Variants in ARB2A observed in about 807,000 individuals in gnomAD.
ARB2A encodes the protein ARB2 cotranscriptional regulator A, also known as cotranscriptional regulator ARB2A.
At chr5:93,693,413 A>T in the ARB2A span, among the ~76,000 whole-genome samples, 1 of 152,196 alleles carries the variant, frequency 6.6e-6, no homozygotes, top group Non-Finnish European at 1.5e-5. Context: ...CCACCAGAGA[A>T]TACTATAAAC....
At chr5:93,970,595 C>T in the ARB2A span, among the ~76,000 whole-genome samples, 8 of 151,714 alleles carry the variant, frequency 5.3e-5, no homozygotes, top group African/African-American at 1.9e-4. Flanking sequence ...TGATTCTCCC[C>T]ACAACCAAAA....
chr5:93,815,809 C>T, the ARB2A span, among the ~76,000 whole-genome samples: 2 of 152,106 alleles, frequency 1.3e-5, no homozygotes, highest in Non-Finnish European at 2.9e-5. Flanking sequence ...TTACCCATTG[C>T]CTTGATTTTC....
At chr5:93,846,603 C>T in the ARB2A span, among the ~76,000 whole-genome samples, 29 of 152,074 alleles carry the variant, frequency 1.9e-4, no homozygotes, top group African/African-American at 7.0e-4. Flanking sequence ...TTTTGGGCTA[C>T]ATCACAAAGG....
At chr5:93,830,311 G>GTATGTGTGTGTATATA in the ARB2A span, among the ~76,000 whole-genome samples, 1 of 82,260 alleles carries the variant, frequency 1.2e-5, no homozygotes, top group African/African-American at 5.2e-5. Flanking sequence ...GTGTGTGTGT[G>GTATGTGTGTGTATATA]TATATATATA....
the ARB2A span, among the ~76,000 whole-genome samples, chr5:93,668,306 C>T: frequency 4.0e-5 from 6 of 151,554 alleles, no homozygotes; most frequent in African/African-American, 1.2e-4. Context: ...GGTTTCGGCA[C>T]GTTGGCCAGG....
chr5:93,901,603 A>G, the ARB2A span, among the ~76,000 whole-genome samples: 1 of 152,138 alleles, frequency 6.6e-6, no homozygotes, highest in Non-Finnish European at 1.5e-5. Flanking sequence ...TTCAATTGCA[A>G]TAATCCTCCA....
chr5:93,696,049 A>G, the ARB2A span, among the ~76,000 whole-genome samples: 1 of 148,608 alleles, frequency 6.7e-6, no homozygotes, highest in African/African-American at 2.5e-5. Flanking sequence ...GTGGGGGACT[A>G]GGGGAGGGAA....
chr5:93,711,817 C>G, the ARB2A span, among the ~76,000 whole-genome samples: 1 of 152,222 alleles, frequency 6.6e-6, no homozygotes, highest in Non-Finnish European at 1.5e-5. Flanking sequence ...AGTAGAAGGA[C>G]AGAAACCCAT....
chr5:94,038,456 T>G, the ARB2A span, among the ~76,000 whole-genome samples: 1 of 152,138 alleles, frequency 6.6e-6, no homozygotes, highest in Admixed American at 6.5e-5. Flanking sequence ...TTAAGGGCTA[T>G]GTATTTTTTA....
At chr5:93,787,737 T>C in the ARB2A span, among the ~76,000 whole-genome samples, 1 of 152,224 alleles carries the variant, frequency 6.6e-6, no homozygotes, top group Non-Finnish European at 1.5e-5. Context: ...TTTTCATATA[T>C]ACAGCATTTC....
At chr5:93,919,173 G>A in the ARB2A span, among the ~76,000 whole-genome samples, 1 of 152,094 alleles carries the variant, frequency 6.6e-6, no homozygotes, top group African/African-American at 2.4e-5. Flanking sequence ...AACTGTGTAC[G>A]AATTCAATCA....
At chr5:93,751,138 G>A in the ARB2A span, among the ~76,000 whole-genome samples, 2 of 147,538 alleles carry the variant, frequency 1.4e-5, no homozygotes, top group African/African-American at 5.1e-5. Flanking sequence ...TAGGGTGTAT[G>A]TTTTTTTGCC....
the ARB2A span, among the ~76,000 whole-genome samples, chr5:93,768,124 A>C: frequency 2.0e-5 from 3 of 151,456 alleles, no homozygotes; most frequent in Admixed American, 6.6e-5. Context: ...ATATGTTCTC[A>C]CTGATATGTG....
the ARB2A span, among the ~76,000 whole-genome samples, chr5:93,697,378 G>A: frequency 6.6e-6 from 1 of 151,678 alleles, no homozygotes; most frequent in African/African-American, 2.4e-5. Context: ...TAAATTTTTT[G>A]TTTAAACATT....
chr5:93,884,600 A>C, the ARB2A span, among the ~76,000 whole-genome samples: 120 of 151,718 alleles, frequency 7.9e-4, no homozygotes, highest in Non-Finnish European at 1.3e-3. Flanking sequence ...TTAAACACCC[A>C]AACTATTTAG....
chr5:93,730,167 CA>C, the ARB2A span, among the ~76,000 whole-genome samples: 1 of 152,134 alleles, frequency 6.6e-6, no homozygotes, highest in African/African-American at 2.4e-5. Context: ...TTTCACTTCT[CA>C]TTTAAAGTGT....
chr5:93,982,240 A>AAAATT, the ARB2A span, among the ~76,000 whole-genome samples: 2 of 152,160 alleles, frequency 1.3e-5, no homozygotes, highest in South Asian at 4.1e-4. Flanking sequence ...TCTGAGTTTC[A>AAAATT]AAATTAAATT....
chr5:93,640,989 C>T, the ARB2A span, among the ~76,000 whole-genome samples: 1 of 151,856 alleles, frequency 6.6e-6, no homozygotes, highest in African/African-American at 2.4e-5. Context: ...ATCACAAAGT[C>T]AGGAGTTTGA....
At chr5:93,787,525 C>CA in the ARB2A span, among the ~76,000 whole-genome samples, 1 of 152,002 alleles carries the variant, frequency 6.6e-6, no homozygotes, top group Admixed American at 6.5e-5. Context: ...GAAATGTAGG[C>CA]AAAACTTGTT....
Sources: allele counts gnomAD v4.1 joint callset (sites outside exome capture counted in the v4.1 genomes callset), GRCh38; gene constraint gnomAD v4.1.1; transcripts MANE v1.5; gene names NCBI Gene and HGNC (gene_info 2026-07-23, HGNC 2026-07-21).